CYRIB: variants seen among roughly 807,000 people sequenced by gnomAD.
CYRIB encodes the protein CYFIP-related Rac1 interactor B.
Under a neutral mutation model 44.2 loss-of-function variants are expected in CYRIB, and 8 were observed. The ratio of observed to expected loss-of-function variants is 0.18; its 90% confidence interval spans 0.11 to 0.33. CYRIB has a LOEUF of 0.33. CYRIB is among the 10% of genes least tolerant of loss of function. The pLI, the probability that CYRIB is intolerant of heterozygous loss-of-function variation, is 1.00. For synonymous variants in CYRIB, 131 were observed against 127.2 expected, an observed-to-expected ratio of 1.03 and a Z score of -0.20; for missense variants, 185 against 382.8, an observed-to-expected ratio of 0.48 and a Z score of 4.31.
At chr8:129,888,134 T>C (rs1048813530) in intron 2 of CYRIB, among the ~76,000 whole-genome samples, 3 of 152,190 alleles carry the variant, frequency 2.0e-5, no homozygotes, top group African/African-American at 7.2e-5. Context: ...GGGAGGAGAC[T>C]GGATCATGGG....
At chr8:129,939,492 AGCCCCGCGCCAGCGCGG>A (rs1281293690) in intron 1 of CYRIB, 1 of 151,620 alleles carries the variant, frequency 6.6e-6, no homozygotes, top group Non-Finnish European at 1.5e-5. Flanking sequence ...GAAAGGAGGA[AGCCCCGCGCCAGCGCGG>A]GCCCCGCCGC....
At chr8:129,846,503 A>G (rs1487670496) in intron 11 of CYRIB, among the ~76,000 whole-genome samples, 1 of 152,192 alleles carries the variant, frequency 6.6e-6, no homozygotes, top group African/African-American at 2.4e-5. Context: ...TAACTGGTAT[A>G]TAATACTTTT....
intron 1 of CYRIB, among the ~76,000 whole-genome samples, chr8:129,985,402 T>G (rs1591780016): frequency 6.6e-6 from 1 of 152,050 alleles, no homozygotes; most frequent in Admixed American, 6.6e-5. Context: ...CTCACCCCCT[T>G]GAAATTCCCC....
chr8:129,902,384 A>C (rs905877268), intron 2 of CYRIB, among the ~76,000 whole-genome samples: 1 of 152,024 alleles, frequency 6.6e-6, no homozygotes, highest in Non-Finnish European at 1.5e-5. Flanking sequence ...ACACCTGCCT[A>C]ATTTTTTGTA....
At chr8:129,940,436 G>C (rs2093601908), upstream of CYRIB, among the ~76,000 whole-genome samples, 1 of 152,158 alleles carries the variant, frequency 6.6e-6, no homozygotes, top group Non-Finnish European at 1.5e-5. Flanking sequence ...ATCATTCTGA[G>C]AACAAAAATT....
intron 2 of CYRIB, among the ~76,000 whole-genome samples, chr8:129,884,867 T>C (rs946822817): frequency 1.3e-5 from 2 of 152,204 alleles, no homozygotes; most frequent in Non-Finnish European, 2.9e-5. Context: ...TTTTTTTTAC[T>C]ATGAGCCCTT....
Position 129,992,464 on chromosome 8 carries a change from T to C in CYRIB, c.-295-21469A>G, listed in dbSNP as rs143945510. 2.4e-3 allele frequency among the ~76,000 whole-genome samples: 366 copies of C among 152,018 alleles called. 1 individual carries two copies. Among genetic ancestry groups the C allele is most frequent in the African/African-American group, 8.4e-3 (349 of 41,446 alleles). The stretch of plus-strand genomic sequence containing the variant: ...AACAGCGCTCACAAAGATAACAGAG[T>C]TTCAGCCATCATTATTATGAGTTCA... On this transcript the variant is annotated intron_variant, in intron 1 of 14. Transcript: ENST00000401979.
In CYRIB at chr8:129,958,372, C is replaced by A. The variant is rs556979350; in HGVS notation, c.-243+12571G>T. 5.4e-4 allele frequency among the ~76,000 whole-genome samples: 82 copies of A among 152,112 alleles called. 5 individuals carry two copies. Among genetic ancestry groups the A allele is most frequent in the Non-Finnish European group, 1.6e-4 (11 of 68,024 alleles). On this transcript the variant is annotated intron_variant, in intron 2 of 14. Coordinates refer to the CYRIB transcript ENST00000401979. Reference sequence around the variant, plus strand: ...CATCTTCCTGATCTGTCGGATGTTACGTCTCTGCAGAATCTGGAGAAAACC... The same window carrying A: ...CATCTTCCTGATCTGTCGGATGTTAAGTCTCTGCAGAATCTGGAGAAAACC...
At chr8:129,863,502 G>C (rs1417224751) in intron 4 of CYRIB, among the ~76,000 whole-genome samples, 1 of 151,438 alleles carries the variant, frequency 6.6e-6, no homozygotes. Flanking sequence ...TCTAGCCTGG[G>C]TGATAGAGCG....
chr8:129,942,253 C>T (rs1258018886), upstream of CYRIB, among the ~76,000 whole-genome samples: 1 of 152,156 alleles, frequency 6.6e-6, no homozygotes, highest in Non-Finnish European at 1.5e-5. Flanking sequence ...GCAGGAGAAT[C>T]GCTTGAACCC....
chr8:129,911,658 G>A (rs771379447), intron 1 of CYRIB, among the ~76,000 whole-genome samples: 2 of 151,320 alleles, frequency 1.3e-5, no homozygotes, highest in South Asian at 2.1e-4. Context: ...AAATTAGCCC[G>A]ACTGTGGTGG....
intron 2 of CYRIB, among the ~76,000 whole-genome samples, chr8:129,957,605 C>T (rs867998231): frequency 2.5e-4 from 38 of 152,040 alleles, no homozygotes; most frequent in Middle Eastern, 3.4e-3. Flanking sequence ...TGGAGGTGGG[C>T]GGATTACTTG....
intron 1 of CYRIB, among the ~76,000 whole-genome samples, chr8:129,974,916 G>A (rs956717381): frequency 1.1e-4 from 17 of 148,460 alleles, no homozygotes; most frequent in Non-Finnish European, 1.9e-4. Flanking sequence ...ACGGAATCTC[G>A]TTCTGTCACC....
intron 1 of CYRIB, among the ~76,000 whole-genome samples, chr8:129,916,607 C>T (rs192259521): frequency 6.6e-6 from 1 of 152,294 alleles, no homozygotes; most frequent in South Asian, 2.1e-4. Context: ...TTTCTTCCTT[C>T]TAAAAAGATT....
At chr8:130,006,474 A>T (rs1291894938) in intron 1 of CYRIB, among the ~76,000 whole-genome samples, 2 of 142,190 alleles carry the variant, frequency 1.4e-5, no homozygotes, top group East Asian at 4.1e-4. Context: ...AAATAAAATA[A>T]AATAAAATAT....
chr8:129,849,409 C>A (rs1250380999), intron 9 of CYRIB, 40 bp from the exon 12 acceptor site: 10 of 1,561,328 alleles, frequency 6.4e-6, no homozygotes, highest in Non-Finnish European at 7.8e-6. Flanking sequence ...AAGTGCATTA[C>A]AAAATTCTTT....
At chr8:129,970,696 T>A (rs893859483) in intron 2 of CYRIB, 11 of 152,166 alleles carry the variant, frequency 7.2e-5, no homozygotes, top group Admixed American at 7.2e-4. Context: ...CTATAGTTCT[T>A]ATTTAAACTA....
At chr8:129,843,928 G>A (rs1175379135) in intron 11 of CYRIB, 1 of 152,078 alleles carries the variant, frequency 6.6e-6, no homozygotes, top group Non-Finnish European at 1.5e-5. Context: ...ATAAATACTT[G>A]CGGAAGGAAG....
chr8:129,918,496 T>C (rs2081906952), intron 1 of CYRIB, among the ~76,000 whole-genome samples: 1 of 152,256 alleles, frequency 6.6e-6, no homozygotes. Context: ...GAATTCATAA[T>C]AATTCTGTCA....
Sources: allele counts gnomAD v4.1 joint callset (sites outside exome capture counted in the v4.1 genomes callset), GRCh38; gene constraint gnomAD v4.1.1; transcripts MANE v1.5; gene names NCBI Gene and HGNC (gene_info 2026-07-23, HGNC 2026-07-21).